The following SPEG variants were observed in gnomAD, a reference collection of about 807,000 sequenced individuals.
SPEG encodes striated muscle preferentially expressed protein kinase.
In SPEG, 114 loss-of-function variants were observed where a neutral mutation model predicts 300.4. The ratio of observed to expected loss-of-function variants is 0.38; its 90% CI spans 0.33 to 0.44. The LOEUF is 0.44. SPEG is among the 20% of genes least tolerant of loss of function. The probability of loss-of-function intolerance (pLI) is 1.00; values close to 1 mark genes in which losing one functional copy is unlikely to be tolerated. For synonymous variants in SPEG, 1,964 were observed against 2,018.9 expected (o/e 0.97, Z 0.73); for missense variants, 4,201 against 4,586.2 (o/e 0.92, Z 2.43).
intron 14 of SPEG, 52 bp downstream of exon 14, chr2:219,472,039 C>T (rs374964862): frequency 3.2e-4 from 507 of 1,599,866 alleles, no homozygotes; most frequent in Non-Finnish European, 4.0e-4. Context: ...GCCTCTGGCA[C>T]TACGTGGGGG....
In SPEG at chr2:219,492,671, C is replaced by A; in HGVS notation, c.9689C>A (p.Thr3230Lys). 6.2e-7 allele frequency: 1 copy of A among 1,610,680 alleles called. No homozygotes were observed. ...DAYLMKLRRQ[T>K]LTFTTNRLKE... is the part of the protein sequence containing the mutation. ...TACCTGATGAAGCTGCGCCGCCAGACGCTCACCTTCACCACCAACCGGCTC... is the reference window on the plus strand; with the variant it reads ...TACCTGATGAAGCTGCGCCGCCAGAAGCTCACCTTCACCACCAACCGGCTC... The change falls in exon 41 of 41, where the codon ACG becomes AAG. Residue 3230 changes from threonine (T) to lysine (K), a missense_variant. Physicochemically the swap from Thr to Lys is moderately conservative, Grantham distance 78. This residue lies in a region of SPEG where 318 missense variants were observed against 429.5 expected (regional missense o/e 0.74). Coordinates refer to ENST00000312358, the MANE Select transcript of SPEG (RefSeq NM_005876.5).
intron 31 of SPEG, among the ~76,000 whole-genome samples, chr2:219,486,127 G>A (rs939866228): frequency 6.6e-6 from 1 of 152,262 alleles, no homozygotes; most frequent in East Asian, 1.9e-4. Context: ...GCACAGAAAA[G>A]CAGCCTTTGG....
In SPEG at chr2:219,466,509, T is replaced by C. The variant is rs1052991246; in HGVS notation, c.2882-665T>C. ...GAGTGGGAGAGATTACGGCATGGCA[T>C]GGAGGGGCCCAAGGAGCAGGGGCTG... On this transcript the variant is annotated intron_variant, in intron 9 of 40. Transcript: ENST00000312358. 19 of 1,105,468 alleles carry C rather than the reference T, an allele frequency of 1.7e-5. 1 individual carries two copies. The Admixed American group carries it at 4.7e-4, about 27-fold the overall frequency. 68.5% of individuals were successfully genotyped at this position (1,105,468 alleles called of 1,614,324 possible). A position where few individuals can be genotyped will look rare whatever the true frequency, so the allele number is the denominator to read the frequency against.
chr2:219,467,331 C>T lies in SPEG; in HGVS notation c.3039C>T (p.Leu1013=), dbSNP rs1387171776. Reference sequence around the variant, plus strand: ...GCCGCCTGCTGCAGCCTGCACTGCTCAAATGCAAGATGCATTTCGATGGCC... The same window carrying T: ...GCCGCCTGCTGCAGCCTGCACTGCTTAAATGCAAGATGCATTTCGATGGCC... ...CRGRLLQPAL[L]KCKMHFDGRK... Residue 1013 remains leucine (L), a synonymous_variant, in exon 10 of 41, where the codon CTC becomes CTT. Coordinates refer to ENST00000312358, the MANE Select transcript of SPEG (RefSeq NM_005876.5). The T allele has an allele frequency of 5.0e-6, 8 of 1,612,006 alleles. No homozygotes were observed. Among genetic ancestry groups the T allele is most frequent in the Non-Finnish European group, 6.8e-6 (8 of 1,179,994 alleles).
At position 219,469,358 on chromosome 2, in the gene SPEG, G is replaced by A. The variant is rs370971164; in HGVS notation, c.3694G>A (p.Asp1232Asn). The A allele has an allele frequency of 6.1e-5, 99 of 1,613,500 alleles. No homozygotes were observed. Among genetic ancestry groups the A allele is most frequent in the Non-Finnish European group, 8.1e-5 (95 of 1,179,882 alleles). The change falls in exon 13 of 41, where the codon GAC (aspartate) becomes AAC (asparagine). Residue 1232 changes from aspartate to asparagine, a missense_variant. Coordinates refer to ENST00000312358, the MANE Select transcript of SPEG (RefSeq NM_005876.5). ...CAATGGCCACCGCATCCAGAGCAGCGACGACCGGCGCATGACACAGTGTAC... is the reference window on the plus strand; with the variant it reads ...CAATGGCCACCGCATCCAGAGCAGCAACGACCGGCGCATGACACAGTGTAC... Reference protein sequence around the residue: ...FHNGHRIQSSDDRRMTQYRDV... With the variant: ...FHNGHRIQSSNDRRMTQYRDV...
chr2:219,467,452 C>A lies in SPEG; in HGVS notation c.3142+18C>A. ...GGCCAAAGGTAACTCCCCACTCAGG[C>A]ATTGGGCTGCCGTGGGTGCCCAAGA... is the stretch of plus-strand genomic sequence containing the variant. On this transcript the variant is annotated intron_variant, in intron 10 of 40. Coordinates refer to ENST00000312358, the MANE Select transcript of SPEG (RefSeq NM_005876.5). 6.3e-7 allele frequency: 1 copy of A among 1,585,698 alleles called. No homozygotes were observed.
Position 219,480,227 on chromosome 2 carries a change from C to T in SPEG, c.5342+87C>T, listed in dbSNP as rs949850362. The T allele has an allele frequency of 3.4e-5, 48 of 1,430,994 alleles. 1 individual carries two copies. Among genetic ancestry groups the T allele is most frequent in the Middle Eastern group, 3.6e-4 (2 of 5,498 alleles). The allele number at this position is 1,430,994 out of a possible 1,614,324, so 88.6% of individuals were successfully genotyped here. On this transcript the variant is annotated intron_variant, in intron 25 of 40. Coordinates refer to ENST00000312358, the MANE Select transcript of SPEG (RefSeq NM_005876.5). This position sits in a 1 kb window ranked among gnomAD's most constrained non-coding sequence, Gnocchi z 5.3. ...CGCGCTCACTGGCAGGGAGATTTAC[C>T]GAGCCTGAATTCCTCCTGAAGGTGG...
chr2:219,483,060 G>A, intron 29 of SPEG, 38 bp from the exon 30 acceptor site: 1 of 1,576,758 alleles, frequency 6.3e-7, no homozygotes, highest in Non-Finnish European at 8.6e-7. Flanking sequence ...TCCTGCCCCA[G>A]GGGTCCCTCA....
At chr2:219,476,733 G>A (rs942437423) in intron 18 of SPEG, 137 bp from the exon 19 acceptor site, 29 of 622,768 alleles carry the variant, frequency 4.7e-5, no homozygotes, top group Admixed American at 2.6e-4. Flanking sequence ...GTGGGGGGTG[G>A]TGGCTTGCAG....
chr2:219,479,870 G>A lies in SPEG; in HGVS notation c.5163+10G>A. The A allele has an allele frequency of 6.2e-7, 1 of 1,614,040 alleles. No individual in the cohort carries two copies. Among genetic ancestry groups the A allele is most frequent in the African/African-American group, 1.3e-5 (1 of 75,048 alleles). ...GCACCTCGATGTCAAGGTGAGGTGG[G>A]GACTGGAGAGCAGACAGCCCCTGTG... is the stretch of plus-strand genomic sequence containing the variant. On this transcript the variant is annotated intron_variant, in intron 24 of 40. Transcript: ENST00000312358. The surrounding 1 kb of genome is among the most constrained non-coding windows in gnomAD (Gnocchi z 5.5).
intron 3 of SPEG, among the ~76,000 whole-genome samples, chr2:219,446,062 G>A (rs1182542882): frequency 6.6e-6 from 1 of 151,632 alleles, no homozygotes; most frequent in Non-Finnish European, 1.5e-5. Flanking sequence ...ATGGGTGTGG[G>A]GGCAGCTACC....
In SPEG at chr2:219,461,968, A is replaced by G. The variant is rs760327440; in HGVS notation, c.2527A>G (p.Thr843Ala). The part of the protein sequence containing the change: ...PPEEFPEPGE[T>A]WPRTPTMKPS... Reference sequence around the variant, plus strand: ...AGAGGAGTTCCCAGAGCCTGGGGAGACCTGGCCGCGAACCCCCACCATGAA... The same window carrying G: ...AGAGGAGTTCCCAGAGCCTGGGGAGGCCTGGCCGCGAACCCCCACCATGAA... The change falls in exon 7 of 41, where the codon ACC (threonine) becomes GCC (alanine). Residue 843 changes from threonine (T) to alanine (A), a missense_variant. By Grantham distance (58) the Thr-to-Ala change is moderately conservative (BLOSUM62 0). Coordinates refer to ENST00000312358, the MANE Select transcript of SPEG (RefSeq NM_005876.5). 1.4e-5 allele frequency: 23 copies of G among 1,612,792 alleles called. No homozygotes were observed. Among genetic ancestry groups the G allele is most frequent in the Non-Finnish European group, 1.9e-5 (22 of 1,179,612 alleles).
chr2:219,455,539 T>C (rs1690109678), intron 6 of SPEG, among the ~76,000 whole-genome samples: 1 of 152,226 alleles, frequency 6.6e-6, no homozygotes, highest in Non-Finnish European at 1.5e-5. Context: ...TGGTCAGCTC[T>C]AGGAGCTTAG....
Position 219,472,342 on chromosome 2 carries a change from G to A in SPEG, c.3940+11G>A. On this transcript the variant is annotated intron_variant, in intron 15 of 40. Transcript: ENST00000312358. ...TGGACATGGCCATCGGTGGGTCAGG[G>A]CTGCACAGGGCCATGGGTGGGGAAG... The A allele has an allele frequency of 6.2e-7, 1 of 1,607,024 alleles. No individual in the cohort carries two copies. Among genetic ancestry groups the A allele is most frequent in the Non-Finnish European group, 8.5e-7 (1 of 1,174,182 alleles).
intron 31 of SPEG, among the ~76,000 whole-genome samples, chr2:219,485,708 AAT>A (rs1693352572): frequency 6.6e-6 from 1 of 152,224 alleles, no homozygotes; most frequent in Non-Finnish European, 1.5e-5. Flanking sequence ...CTGTTTGGGA[AAT>A]ATTAGTATCA....
At position 219,484,357 on chromosome 2, in the gene SPEG, G is replaced by T; in HGVS notation, c.6894G>T (p.Gly2298=). Residue 2298 remains glycine (G), a synonymous_variant, in exon 30 of 41, where the codon GGG becomes GGT. Transcript: ENST00000312358. ...CCGAGAAGCGCGTGCCCTCAGCCGG[G>T]GGTCCCCCGGTGCTAGCCGAGAAAG... is the stretch of plus-strand genomic sequence containing the variant. ...GAPEKRVPSA[G]GPPVLAEKAR... is the part of the protein sequence containing the mutation. 1 of 1,606,698 alleles carries T rather than the reference G, an allele frequency of 6.2e-7. No individual in the cohort carries two copies. The highest frequency in any genetic ancestry group is 8.5e-7 in the Non-Finnish European group (1 of 1,179,166).
chr2:219,478,134 G>C (rs1477029671), intron 22 of SPEG, 29 bp downstream of exon 22: 48 of 1,587,408 alleles, frequency 3.0e-5, no homozygotes, highest in Non-Finnish European at 4.1e-5. Flanking sequence ...GGGGCTAGGG[G>C]GATCCATGCC....
rs1343881683 is a variant in SPEG, at chr2:219,493,355, G to A, written c.*569G>A. 1 of 358,312 alleles carries A rather than the reference G, an allele frequency of 2.8e-6. No individual in the cohort carries two copies. The highest frequency in any genetic ancestry group is 5.5e-6 in the Non-Finnish European group (1 of 181,052). The allele number at this position is 358,312 out of a possible 1,614,324, so 22.2% of individuals were successfully genotyped here. ...GGGTCAGCTGTCAGCATCCCTCAGAGGAGAAATGTGGAGAGCTGGAGGCCA... is the reference window on the plus strand; with the variant it reads ...GGGTCAGCTGTCAGCATCCCTCAGAAGAGAAATGTGGAGAGCTGGAGGCCA... On this transcript the variant is annotated 3_prime_UTR_variant, in exon 41 of 41. Coordinates refer to ENST00000312358, the MANE Select transcript of SPEG (RefSeq NM_005876.5).
At position 219,492,929 on chromosome 2, in the gene SPEG, A is replaced by G; in HGVS notation, c.*143A>G. 1.1e-6 allele frequency: 1 copy of G among 898,948 alleles called. No individual in the cohort carries two copies. The highest frequency in any genetic ancestry group is 1.8e-6 in the Non-Finnish European group (1 of 566,106). 55.7% of individuals were successfully genotyped at this position (898,948 alleles called of 1,614,324 possible). A position where few individuals can be genotyped will look rare whatever the true frequency, so the allele number is the denominator to read the frequency against. On this transcript the variant is annotated 3_prime_UTR_variant, in exon 41 of 41. Transcript: ENST00000312358. ...ACATCTGGCTGGGCTCTTACCTCAT[A>G]GACCTTCAAGGACAGAGACCCCAGG... is the stretch of plus-strand genomic sequence containing the variant.
Sources: gnomAD v4.1 joint callset for allele counts (sites outside exome capture counted in the v4.1 genomes callset) on GRCh38, gnomAD v4.1.1 for gene constraint, gnomAD v4.1.1 regional missense constraint, Gnocchi (gnomAD v3.1) non-coding constraint, MANE v1.5 for transcripts, NCBI Gene and HGNC (gene_info 2026-07-23, HGNC 2026-07-21) for gene names.